LMO7: variants seen among roughly 807,000 people sequenced by gnomAD.
The protein encoded by LMO7 is LIM domain only protein 7.
In LMO7, 120 loss-of-function variants were observed where a neutral mutation model predicts 206.5. The observed-to-expected ratio is 0.58, with a 90% confidence interval of 0.50 to 0.68. The LOEUF (loss-of-function observed/expected upper bound fraction) is 0.68, where lower values mean the gene tolerates loss of function less well. Among genes scored for constraint, LMO7 ranks in the 30% least tolerant of loss-of-function variants. LMO7 has a pLI of 0.00. For synonymous variants in LMO7, 706 were observed against 681.5 expected, an observed-to-expected ratio of 1.04 and a Z score of -0.56; for missense variants, 1,959 against 1,957.9, an observed-to-expected ratio of 1.00 and a Z score of -0.01.
chr13:75,634,248 A>G (rs2035436046), upstream of LMO7, among the ~76,000 whole-genome samples: 1 of 151,762 alleles, frequency 6.6e-6, no homozygotes. Flanking sequence ...ACCATCCTGG[A>G]CAACATAGTG....
At chr13:75,717,424 GTCT>G (rs1240195853) in intron 2 of LMO7, among the ~76,000 whole-genome samples, 1 of 151,004 alleles carries the variant, frequency 6.6e-6, no homozygotes, top group African/African-American at 2.4e-5. Context: ...CTGTCACCAG[GTCT>G]TCTTTTTCCT....
chr13:75,850,181 C>T (rs1258352662), intron 27 of LMO7, among the ~76,000 whole-genome samples: 4 of 152,130 alleles, frequency 2.6e-5, no homozygotes, highest in African/African-American at 9.7e-5. Flanking sequence ...AACACAAAGC[C>T]AATAAACACA....
At chr13:75,719,368 G>A (rs1464951266) in intron 2 of LMO7, among the ~76,000 whole-genome samples, 1 of 152,132 alleles carries the variant, frequency 6.6e-6, no homozygotes, top group Non-Finnish European at 1.5e-5. Context: ...GGCCATCTCG[G>A]TTGCTTCTCA....
chr13:75,643,610 C>G (rs1022746590), intron 1 of LMO7, among the ~76,000 whole-genome samples: 1 of 152,196 alleles, frequency 6.6e-6, no homozygotes, highest in Admixed American at 6.5e-5. Flanking sequence ...CTGTACTTAA[C>G]TCTTTAGTTT....
rs148271629 is a variant in LMO7 at position 75,789,325 on chromosome 13, A to G, written c.318-6076A>G. Among the ~76,000 whole-genome samples, 200 of 152,124 alleles carry G rather than the reference A, an allele frequency of 1.3e-3. 3 individuals are homozygous for G. The highest frequency in any genetic ancestry group is 3.5e-3 in the African/African-American group (146 of 41,470). On this transcript the variant is annotated intron_variant, in intron 4 of 30. Transcript: ENST00000377534. ...ATGATTTTGGAGCATAAAGAATTCA[A>G]CTCCTAGGAGGTTATGTTATTTAGG...
chr13:75,704,234 C>T (rs1468152089), intron 1 of LMO7, among the ~76,000 whole-genome samples: 1 of 152,092 alleles, frequency 6.6e-6, no homozygotes, highest in South Asian at 2.1e-4. Flanking sequence ...TAGTTATCTC[C>T]CTGAATGAAA....
chr13:75,655,637 TTATATATATATATATATATATA>T (rs67966172), intron 1 of LMO7, among the ~76,000 whole-genome samples: 7,029 of 134,538 alleles, frequency 0.052, 326 homozygotes, highest in African/African-American at 0.11. Context: ...TTCATGGATT[TTATATATATATATATATATATA>T]TATATATATA....
intron 3 of LMO7, among the ~76,000 whole-genome samples, chr13:75,751,411 C>A (rs2047264677): frequency 6.6e-6 from 1 of 152,052 alleles, no homozygotes; most frequent in Non-Finnish European, 1.5e-5. Flanking sequence ...CTGTCCCGCT[C>A]AGCCTCCCAA....
In LMO7 at chr13:75,807,545, C is replaced by T. The variant is rs766446232; in HGVS notation, c.1262C>T (p.Thr421Ile). 2.5e-6 allele frequency: 4 copies of T among 1,613,806 alleles called. No homozygotes were observed. Among genetic ancestry groups the T allele is most frequent in the African/African-American group, 2.7e-5 (2 of 74,916 alleles). ...GACATCTTGTCTTCTGAAACACATACCAAAATTGATCCCACTTCTGGCCCA... is the reference window on the plus strand; with the variant it reads ...GACATCTTGTCTTCTGAAACACATATCAAAATTGATCCCACTTCTGGCCCA... ...SDDILSSETHTKIDPTSGPRL... is the reference protein window; with the variant it reads ...SDDILSSETHIKIDPTSGPRL... The change falls in exon 10 of 31, where the codon ACC becomes ATC. Residue 421 changes from threonine to isoleucine, a missense_variant. By Grantham distance (89) the Thr-to-Ile change is moderately conservative (BLOSUM62 -1). Transcript: ENST00000377534.
chr13:75,743,774 A>G (rs1016568728), intron 3 of LMO7, among the ~76,000 whole-genome samples: 1 of 152,128 alleles, frequency 6.6e-6, no homozygotes, highest in Non-Finnish European at 1.5e-5. Flanking sequence ...GGGTGATGAA[A>G]TAATCTGTAC....
rs2058814759 is a variant in LMO7 at position 75,833,076 on chromosome 13, G to C, written c.2975G>C (p.Ser992Thr). The change falls in exon 16 of 31, where the codon AGC (serine) becomes ACC (threonine). Residue 992 changes from serine to threonine, a missense_variant. Ser to Thr is a moderately conservative substitution (Grantham distance 58). Transcript: ENST00000377534. ...GATCAGTTCAGTGATATGAGAATCAGCATAAACCAGACGCCTGGGAAGAGT... is the reference window on the plus strand; with the variant it reads ...GATCAGTTCAGTGATATGAGAATCACCATAAACCAGACGCCTGGGAAGAGT... ...SQDQFSDMRI[S>T]INQTPGKSLD... 6.2e-7 allele frequency: 1 copy of C among 1,608,588 alleles called. No homozygotes were observed. The highest frequency in any genetic ancestry group is 8.5e-7 in the Non-Finnish European group (1 of 1,175,304).
chr13:75,821,518 AAACTGATACAGTCAG>A lies in LMO7; in HGVS notation c.2550_2564del (p.Thr851_Arg855del). On this transcript the variant is annotated inframe_deletion, in exon 14 of 31. Coordinates refer to ENST00000377534, the MANE Select transcript of LMO7 (RefSeq NM_001306080.2). Reference sequence around the variant, plus strand: ...GCTTCTCTCCCCAGAAGTTACCGGAAAACTGATACAGTCAGGTTAACATCTGTGGTCACACCAAGA... The same window carrying A: ...GCTTCTCTCCCCAGAAGTTACCGGAAGTTAACATCTGTGGTCACACCAAGA... The A allele has an allele frequency of 6.2e-7, 1 of 1,614,126 alleles. No individual in the cohort carries two copies. The highest frequency in any genetic ancestry group is 8.5e-7 in the Non-Finnish European group (1 of 1,179,964).
At chr13:75,673,949 G>A (rs1404910599) in intron 1 of LMO7, among the ~76,000 whole-genome samples, 2 of 152,114 alleles carry the variant, frequency 1.3e-5, no homozygotes, top group Non-Finnish European at 2.9e-5. Flanking sequence ...TATACTGAAG[G>A]ACTCACTGGT....
At chr13:75,709,455 A>C (rs1440583501) in intron 1 of LMO7, among the ~76,000 whole-genome samples, 1 of 151,710 alleles carries the variant, frequency 6.6e-6, no homozygotes, top group African/African-American at 2.4e-5. Flanking sequence ...CCTCTCCAGC[A>C]CCTGTTGTTT....
intron 3 of LMO7, among the ~76,000 whole-genome samples, chr13:75,752,755 A>C (rs1188710190): frequency 2.0e-5 from 3 of 152,224 alleles, no homozygotes; most frequent in Non-Finnish European, 4.4e-5. Flanking sequence ...TTAGTGCAAA[A>C]GACATGATTT....
chr13:75,669,127 A>G (rs1224662798), intron 1 of LMO7, among the ~76,000 whole-genome samples: 1 of 152,232 alleles, frequency 6.6e-6, no homozygotes, highest in Non-Finnish European at 1.5e-5. Flanking sequence ...TGCAGTAACC[A>G]GTAAGAAAAA....
intron 3 of LMO7, among the ~76,000 whole-genome samples, chr13:75,747,442 T>C (rs2046937251): frequency 6.6e-6 from 1 of 152,212 alleles, no homozygotes; most frequent in Non-Finnish European, 1.5e-5. Context: ...AAAGCACCCA[T>C]AGCCTGTAAC....
intron 23 of LMO7, 72 bp downstream of exon 23, chr13:75,841,273 G>A (rs2059537754): frequency 5.2e-6 from 5 of 969,388 alleles, no homozygotes; most frequent in Non-Finnish European, 8.0e-6. Flanking sequence ...AGAATCAGGA[G>A]ACACTTCATT....
intron 4 of LMO7, among the ~76,000 whole-genome samples, chr13:75,762,074 C>G (rs1355528241): frequency 6.6e-6 from 1 of 152,046 alleles, no homozygotes; most frequent in African/African-American, 2.4e-5. Context: ...CAGAACAGCC[C>G]CAAATCCAGG....
Sources: allele counts gnomAD v4.1 joint callset (sites outside exome capture counted in the v4.1 genomes callset), GRCh38; gene constraint gnomAD v4.1.1; transcripts MANE v1.5; gene names NCBI Gene and HGNC (gene_info 2026-07-23, HGNC 2026-07-21).